Variants in GLI3 observed in about 807,000 individuals in gnomAD.
The protein encoded by GLI3 is GLI family zinc finger 3.
GLI3 carries 20 observed loss-of-function variants against 100.8 expected under a neutral mutation model. The observed-to-expected ratio is 0.20, with a 90% confidence interval of 0.14 to 0.29. GLI3 has a LOEUF of 0.29. Ranked by LOEUF, GLI3 falls within the 10% of genes least tolerant of loss-of-function variation. GLI3 has a pLI of 1.00. For synonymous variants in GLI3, 938 were observed against 860.5 expected (o/e 1.09, Z -1.58); for missense variants, 2,040 against 2,128.5 (o/e 0.96, Z 0.82).
At chr7:42,235,936 C>G (rs1243602732) in intron 1 of GLI3, among the ~76,000 whole-genome samples, 1 of 152,168 alleles carries the variant, frequency 6.6e-6, no homozygotes, top group Non-Finnish European at 1.5e-5. Flanking sequence ...GCAGTCTGCA[C>G]TGGGGAGATG....
intron 2 of GLI3, among the ~76,000 whole-genome samples, chr7:42,200,492 C>G (rs183490189): frequency 6.6e-6 from 1 of 152,048 alleles, no homozygotes; most frequent in Non-Finnish European, 1.5e-5. Flanking sequence ...CACTACCTCC[C>G]GTATCCACTA....
At chr7:42,057,096 T>C (rs1046989308) in intron 4 of GLI3, among the ~76,000 whole-genome samples, 3 of 152,144 alleles carry the variant, frequency 2.0e-5, no homozygotes, top group Non-Finnish European at 4.4e-5. Context: ...CTATCCAAGC[T>C]AACCAATGTC....
At chr7:42,186,634 T>G (rs919417148) in intron 2 of GLI3, among the ~76,000 whole-genome samples, 1 of 152,218 alleles carries the variant, frequency 6.6e-6, no homozygotes, top group Non-Finnish European at 1.5e-5. Context: ...TCAGGGTCTT[T>G]CAGGCCTTAG....
At chr7:42,158,072 A>C (rs1224707891) in intron 2 of GLI3, among the ~76,000 whole-genome samples, 2 of 152,216 alleles carry the variant, frequency 1.3e-5, no homozygotes, top group African/African-American at 4.8e-5. Flanking sequence ...CCTCCCCAAA[A>C]TGTCAAAAAT....
intron 3 of GLI3, among the ~76,000 whole-genome samples, chr7:42,130,769 G>T (rs1040118122): frequency 6.6e-6 from 1 of 152,006 alleles, no homozygotes; most frequent in Admixed American, 6.6e-5. Flanking sequence ...AGATTCAAAT[G>T]GTCCATGAAG....
chr7:41,964,247 TA>T lies in GLI3; in HGVS notation c.*82del. The T allele has an allele frequency of 3.2e-6, 4 of 1,231,736 alleles. No homozygotes were observed. Among genetic ancestry groups the T allele is most frequent in the African/African-American group, 1.5e-5 (1 of 67,512 alleles). 76.3% of individuals were successfully genotyped at this position (1,231,736 alleles called of 1,614,324 possible). ...GAGATTGCTAAAATACATACAGAAC[TA>T]AAAAAACAGCCAAAACAAAGTCAGT... On this transcript the variant is annotated 3_prime_UTR_variant, in exon 15 of 15. Transcript: ENST00000395925.
intron 4 of GLI3, among the ~76,000 whole-genome samples, chr7:42,074,338 G>A (rs186483830): frequency 6.6e-6 from 1 of 152,330 alleles, no homozygotes; most frequent in African/African-American, 2.4e-5. Flanking sequence ...CTCTCTGACT[G>A]CTCCTCCACT....
At chr7:41,977,813 T>A in intron 11 of GLI3, 91 bp from the exon 12 acceptor site, 2 of 1,173,974 alleles carry the variant, frequency 1.7e-6, no homozygotes, top group Non-Finnish European at 2.6e-6. Context: ...AAAACTGATG[T>A]TTCAAGGGTC....
intron 10 of GLI3, among the ~76,000 whole-genome samples, chr7:41,989,676 A>G (rs911612199): frequency 6.6e-6 from 1 of 152,110 alleles, no homozygotes; most frequent in Non-Finnish European, 1.5e-5. Flanking sequence ...CAGAAAAGAG[A>G]GTTAATGGAT....
Position 41,965,524 on chromosome 7 carries a change from G to C in GLI3, c.3549C>G (p.Pro1183=), listed in dbSNP as rs746224726. Residue 1183 remains proline (P), a synonymous_variant, in exon 15 of 15, where the codon CCC becomes CCG. Coordinates refer to ENST00000395925, the MANE Select transcript of GLI3 (RefSeq NM_000168.6). ...CAAAGGCGCGAGTCTGCGGCACAGC[G>C]GGCCGCGGCCCACACTTGAGCTTGG... ...SSSKLKCGPR[P]AVPQTRAFGF... The C allele has an allele frequency of 9.3e-6, 15 of 1,605,610 alleles. 1 individual carries two copies. In the South Asian group the frequency reaches 1.4e-4, roughly 15 times the overall value.
intron 2 of GLI3, among the ~76,000 whole-genome samples, chr7:42,196,971 T>C (rs748408534): frequency 2.6e-5 from 4 of 152,202 alleles, no homozygotes; most frequent in Non-Finnish European, 5.9e-5. Flanking sequence ...ATGTGCTTCA[T>C]TTCTATTACT....
intron 2 of GLI3, among the ~76,000 whole-genome samples, chr7:42,164,985 T>C (rs981895981): frequency 6.7e-6 from 1 of 150,152 alleles, no homozygotes; most frequent in African/African-American, 2.4e-5. Context: ...TTTAAATCAC[T>C]ATTCATGGGC....
At chr7:42,170,653 T>G (rs1330200509) in intron 2 of GLI3, among the ~76,000 whole-genome samples, 1 of 152,010 alleles carries the variant, frequency 6.6e-6, no homozygotes, top group Non-Finnish European at 1.5e-5. Context: ...CCACCCGCCT[T>G]GGCCTCCTGA....
intron 10 of GLI3, 27 bp from the exon 11 acceptor site, chr7:41,978,775 T>C: frequency 1.2e-6 from 2 of 1,607,256 alleles, no homozygotes; most frequent in Non-Finnish European, 1.7e-6. Flanking sequence ...GAGAGAGAAA[T>C]CAAATGGAAA....
intron 2 of GLI3, among the ~76,000 whole-genome samples, chr7:42,162,553 T>C (rs995645870): frequency 1.3e-5 from 2 of 152,206 alleles, no homozygotes; most frequent in Admixed American, 6.5e-5. Flanking sequence ...AATCACATTG[T>C]CTGGGCCAGT....
At chr7:42,141,517 T>C (rs956111947) in intron 3 of GLI3, among the ~76,000 whole-genome samples, 3 of 151,780 alleles carry the variant, frequency 2.0e-5, no homozygotes, top group Admixed American at 2.0e-4. Flanking sequence ...ACTAAAAATA[T>C]AAAAATTAGC....
intron 3 of GLI3, among the ~76,000 whole-genome samples, chr7:42,079,456 A>G (rs767903335): frequency 1.1e-4 from 16 of 152,230 alleles, no homozygotes; most frequent in Admixed American, 3.9e-4. Flanking sequence ...GTGGATGGCC[A>G]TGAAATATGG....
chr7:42,181,971 C>T (rs1459022530), intron 2 of GLI3, among the ~76,000 whole-genome samples: 1 of 152,106 alleles, frequency 6.6e-6, no homozygotes, highest in Non-Finnish European at 1.5e-5. Context: ...GATGAGCTAG[C>T]TTTGTTACTG....
chr7:42,103,257 T>C (rs954593446), intron 3 of GLI3, among the ~76,000 whole-genome samples: 2 of 152,170 alleles, frequency 1.3e-5, no homozygotes, highest in African/African-American at 4.8e-5. Context: ...ACAGTCCTTT[T>C]GTAATCTAAT....
Sources: allele counts gnomAD v4.1 joint callset (sites outside exome capture counted in the v4.1 genomes callset), GRCh38; gene constraint gnomAD v4.1.1; transcripts MANE v1.5; gene names NCBI Gene and HGNC (gene_info 2026-07-23, HGNC 2026-07-21).